Variants in CPO observed in about 807,000 individuals in gnomAD.
CPO encodes the protein metallocarboxypeptidase C.
CPO carries 43 observed loss-of-function variants against 41.2 expected under a neutral mutation model. The observed-to-expected ratio is 1.04, with a 90% CI of 0.82 to 1.35. The LOEUF is 1.35. Among genes scored for constraint, CPO ranks in the 40% most tolerant of loss-of-function variants. The pLI is 0.00. For missense variants in CPO, 408 were observed against 451.7 expected (o/e 0.90, Z 0.88); for synonymous variants, 178 against 162.7 (o/e 1.09, Z -0.72).
intron 2 of CPO, among the ~76,000 whole-genome samples, chr2:206,951,728 A>G (rs756600617): frequency 7.9e-5 from 12 of 152,224 alleles, no homozygotes; most frequent in Admixed American, 3.3e-4. Context: ...AGACACTTAA[A>G]CTTTTTAATC....
rs765530158 is a variant in CPO at position 206,955,481 on chromosome 2, G to A, written c.184G>A (p.Glu62Lys). Residue 62 changes from glutamate to lysine, a missense_variant, in exon 3 of 9, where the codon GAG becomes AAG. Physicochemically the swap from Glu to Lys is moderately conservative, Grantham distance 56. Coordinates refer to ENST00000272852, the MANE Select transcript of CPO (RefSeq NM_173077.3). ...PMGEIYEWMREISEKYKEVVT... is the reference protein window; with the variant it reads ...PMGEIYEWMRKISEKYKEVVT... ...GTTTCAGATCTATGAGTGGATGAGA[G>A]AGATCAGTGAGAAGTACAAGGAAGT... 1.2e-6 allele frequency: 2 copies of A among 1,609,260 alleles called. No homozygotes were observed.
chr2:206,964,110 C>A (rs1431334089), intron 7 of CPO, among the ~76,000 whole-genome samples: 4 of 152,072 alleles, frequency 2.6e-5, no homozygotes, highest in African/African-American at 9.7e-5. Context: ...GCCTGATGAC[C>A]TATTGGTTAG....
chr2:206,951,431 T>C (rs1352199865), intron 2 of CPO, among the ~76,000 whole-genome samples: 1 of 152,212 alleles, frequency 6.6e-6, no homozygotes, highest in African/African-American at 2.4e-5. Flanking sequence ...AGTTGCTGGG[T>C]CAAAGAATAC....
chr2:206,949,775 G>T lies in CPO; in HGVS notation c.165+62G>T, dbSNP rs1289089877. On this transcript the variant is annotated intron_variant, in intron 2 of 8. Transcript: ENST00000272852. Reference sequence around the variant, plus strand: ...CACAACCTACTTTAGGATGGGCAAAGAATGGTTCACTAGTAATATCCATGC... The same window carrying T: ...CACAACCTACTTTAGGATGGGCAAATAATGGTTCACTAGTAATATCCATGC... 3.0e-5 allele frequency: 31 copies of T among 1,048,692 alleles called. 1 individual carries two copies. In the South Asian group the frequency reaches 3.9e-4, roughly 13 times the overall value. 65.0% of individuals were successfully genotyped at this position (1,048,692 alleles called of 1,614,324 possible).
intron 1 of CPO, among the ~76,000 whole-genome samples, chr2:206,949,071 TGC>T (rs146202484): frequency 0.25 from 34,041 of 137,840 alleles, 4,360 homozygotes; most frequent in Non-Finnish European, 0.32. Flanking sequence ...GATAAACCAT[TGC>T]AAAAAAAAAA....
rs530876339 is a variant in CPO, at chr2:206,963,402, A to G, written c.777+788A>G. On this transcript the variant is annotated intron_variant, in intron 7 of 8. Coordinates refer to ENST00000272852, the MANE Select transcript of CPO (RefSeq NM_173077.3). The stretch of plus-strand genomic sequence containing the variant: ...TATCTTAACCATTGTTAAAGTATAC[A>G]GTTCAGTAGTGTTAAGTATATTCAT... Among the ~76,000 whole-genome samples, 4 of 152,358 alleles carry G rather than the reference A, an allele frequency of 2.6e-5. No homozygotes were observed. In the South Asian group the frequency reaches 6.2e-4, roughly 24 times the overall value.
At chr2:206,956,412 TCATCAG>T (rs1269584599) in intron 3 of CPO, among the ~76,000 whole-genome samples, 5 of 145,208 alleles carry the variant, frequency 3.4e-5, no homozygotes, top group South Asian at 2.2e-4. Context: ...ATCATCATCA[TCATCAG>T]CAGCAGCAGC....
intron 7 of CPO, among the ~76,000 whole-genome samples, chr2:206,966,014 T>G (rs1298422469): frequency 1.3e-5 from 2 of 152,160 alleles, no homozygotes; most frequent in Admixed American, 6.5e-5. Flanking sequence ...AACTGAATGC[T>G]TCTCATGTCT....
chr2:206,953,903 G>T (rs947617293), intron 2 of CPO, among the ~76,000 whole-genome samples: 1 of 152,186 alleles, frequency 6.6e-6, no homozygotes, highest in Admixed American at 6.5e-5. Context: ...AACACTATGG[G>T]GAAGCTGCCA....
chr2:206,962,843 T>C (rs1224181707), intron 7 of CPO, among the ~76,000 whole-genome samples: 1 of 152,214 alleles, frequency 6.6e-6, no homozygotes. Context: ...AAGTGTCAAG[T>C]TGGGAGACAT....
intron 8 of CPO, 32 bp from the exon 9 acceptor site, chr2:206,969,142 T>G: frequency 6.2e-7 from 1 of 1,609,416 alleles, no homozygotes. Context: ...AAAGTATGAC[T>G]TCTACCTCTG....
At chr2:206,949,199 C>G (rs2105820955) in intron 1 of CPO, among the ~76,000 whole-genome samples, 1 of 152,176 alleles carries the variant, frequency 6.6e-6, no homozygotes, top group Non-Finnish European at 1.5e-5. Flanking sequence ...GTTTCTTCAT[C>G]TCTGAAATGG....
chr2:206,951,022 A>G (rs1321074708), intron 2 of CPO, among the ~76,000 whole-genome samples: 1 of 152,154 alleles, frequency 6.6e-6, no homozygotes, highest in Non-Finnish European at 1.5e-5. Flanking sequence ...TGGCACATGT[A>G]TACCTATGTA....
intron 1 of CPO, among the ~76,000 whole-genome samples, chr2:206,941,016 A>G (rs2105816782): frequency 6.6e-6 from 1 of 152,208 alleles, no homozygotes; most frequent in African/African-American, 2.4e-5. Flanking sequence ...CATAAATTGG[A>G]AATGAAGACT....
chr2:206,947,064 C>A (rs1447509020), intron 1 of CPO, among the ~76,000 whole-genome samples: 4 of 152,080 alleles, frequency 2.6e-5, no homozygotes, highest in African/African-American at 9.7e-5. Flanking sequence ...TGGTTATTGA[C>A]AAACTGATTC....
chr2:206,962,944 G>A (rs890192316), intron 7 of CPO, among the ~76,000 whole-genome samples: 25 of 152,300 alleles, frequency 1.6e-4, no homozygotes, highest in African/African-American at 3.6e-4. Flanking sequence ...TTGGAGCTCC[G>A]TTCAGCAATT....
intron 3 of CPO, among the ~76,000 whole-genome samples, chr2:206,956,231 G>A (rs1693354319): frequency 6.6e-6 from 1 of 152,112 alleles, no homozygotes; most frequent in African/African-American, 2.4e-5. Flanking sequence ...TCACCAGAGA[G>A]CTGCCAATAA....
rs1693621953 is a variant in CPO, at chr2:206,968,262, G to T, written c.778-1G>T. On this transcript the variant is annotated splice_acceptor_variant, in intron 7 of 8. Coordinates refer to ENST00000272852, the MANE Select transcript of CPO (RefSeq NM_173077.3). LOFTEE classifies it high-confidence loss of function. ...TCTGTCTCTGCATTTCCCACCTACAGATTCAAGTTGGACAGAAGGCAGCAA... is the reference window on the plus strand; with the variant it reads ...TCTGTCTCTGCATTTCCCACCTACATATTCAAGTTGGACAGAAGGCAGCAA... The T allele has an allele frequency of 6.3e-7, 1 of 1,598,986 alleles. No homozygotes were observed. The highest frequency in any genetic ancestry group is 8.6e-7 in the Non-Finnish European group (1 of 1,166,366).
At chr2:206,943,736 A>ATG (rs1693082773) in intron 1 of CPO, among the ~76,000 whole-genome samples, 1 of 83,264 alleles carries the variant, frequency 1.2e-5, no homozygotes, top group Non-Finnish European at 2.4e-5. Flanking sequence ...GATGATAGAT[A>ATG]GATAGATAGA....
Sources: allele counts gnomAD v4.1 joint callset (sites outside exome capture counted in the v4.1 genomes callset), GRCh38; gene constraint gnomAD v4.1.1; transcripts MANE v1.5; gene names NCBI Gene and HGNC (gene_info 2026-07-23, HGNC 2026-07-21).